CDYL2: variants seen among roughly 807,000 people sequenced by gnomAD.
CDYL2 encodes the protein chromodomain Y like 2.
Under a neutral mutation model 49.4 loss-of-function variants are expected in CDYL2, and 23 were observed. The observed-to-expected ratio is 0.47, with a 90% CI of 0.34 to 0.66. The LOEUF (loss-of-function observed/expected upper bound fraction) is 0.66. CDYL2 is among the 30% of genes least tolerant of loss of function. CDYL2 has a pLI of 0.01. For missense variants in CDYL2, 678 were observed against 656.4 expected (o/e 1.03, Z -0.36); for synonymous variants, 360 against 268.8 (o/e 1.34, Z -3.32).
chr16:80,751,095 T>C (rs375067182), intron 1 of CDYL2, among the ~76,000 whole-genome samples: 4 of 152,024 alleles, frequency 2.6e-5, no homozygotes, highest in African/African-American at 4.8e-5. Flanking sequence ...TAGAAAAATA[T>C]AGGAATCTAT....
chr16:80,656,473 C>A (rs576188413), intron 2 of CDYL2, among the ~76,000 whole-genome samples: 1 of 152,262 alleles, frequency 6.6e-6, no homozygotes, highest in East Asian at 1.9e-4. Flanking sequence ...TCTGTGCCCC[C>A]ACTGTCCTGC....
rs1169480393 is a variant in CDYL2 at position 80,633,269 on chromosome 16, G to C, written c.617-33C>G. ...AACCAGATAAACAATGTAAGAAACT[G>C]AAATGGACCACGATCCTAGAAGGAT... On this transcript the variant is annotated intron_variant, in intron 2 of 6. Coordinates refer to ENST00000570137, the MANE Select transcript of CDYL2 (RefSeq NM_152342.4). 4 of 1,591,332 alleles carry C rather than the reference G, an allele frequency of 2.5e-6. No individual in the cohort carries two copies. In the African/African-American group the frequency reaches 5.4e-5, roughly 21 times the overall value.
At chr16:80,635,409 C>G (rs553950113) in intron 2 of CDYL2, among the ~76,000 whole-genome samples, 23 of 152,290 alleles carry the variant, frequency 1.5e-4, no homozygotes, top group Non-Finnish European at 2.9e-4. Context: ...CACAAGCATT[C>G]CTACACAACA....
chr16:80,695,993 C>T (rs577491177), intron 1 of CDYL2, among the ~76,000 whole-genome samples: 4 of 152,324 alleles, frequency 2.6e-5, no homozygotes, highest in Non-Finnish European at 5.9e-5. Flanking sequence ...ATAGACCATA[C>T]ATCATGCCAC....
intron 1 of CDYL2, among the ~76,000 whole-genome samples, chr16:80,740,688 G>T (rs1158494941): frequency 6.6e-6 from 1 of 151,940 alleles, no homozygotes; most frequent in East Asian, 1.9e-4. Context: ...CCCAAATACA[G>T]ATCTAATCAA....
chr16:80,660,921 A>G (rs991216275), intron 2 of CDYL2, among the ~76,000 whole-genome samples: 6 of 152,224 alleles, frequency 3.9e-5, no homozygotes, highest in African/African-American at 1.4e-4. Flanking sequence ...GAAACTTGTC[A>G]TTAAAGATAC....
chr16:80,645,373 CAT>C (rs1474998796), intron 2 of CDYL2, among the ~76,000 whole-genome samples: 1 of 152,134 alleles, frequency 6.6e-6, no homozygotes, highest in Non-Finnish European at 1.5e-5. Context: ...AGCCAAAAGA[CAT>C]ATGAAAAAAT....
In CDYL2 at chr16:80,724,271, G is replaced by A. The variant is rs936345569; in HGVS notation, c.25-39142C>T. 4.0e-5 allele frequency among the ~76,000 whole-genome samples: 6 copies of A among 150,216 alleles called. No individual in the cohort carries two copies. The East Asian group carries it at 7.8e-4, about 20-fold the overall frequency. On this transcript the variant is annotated intron_variant, in intron 1 of 6. Coordinates refer to ENST00000570137, the MANE Select transcript of CDYL2 (RefSeq NM_152342.4). ...AAGATGAGGAGAAAGAGGAAGAGGAGGAGGAGAAAGGAAGAGGAAAGAAAG... is the reference window on the plus strand; with the variant it reads ...AAGATGAGGAGAAAGAGGAAGAGGAAGAGGAGAAAGGAAGAGGAAAGAAAG...
chr16:80,696,671 T>A (rs977852626), intron 1 of CDYL2, among the ~76,000 whole-genome samples: 1 of 148,274 alleles, frequency 6.7e-6, no homozygotes, highest in Admixed American at 6.7e-5. Flanking sequence ...AAAATAGAAA[T>A]AGGAAACCTG....
chr16:80,624,867 T>G (rs1907233912), intron 3 of CDYL2, among the ~76,000 whole-genome samples: 1 of 152,140 alleles, frequency 6.6e-6, no homozygotes. Context: ...ATAAAGTAAC[T>G]GAAAGACCTG....
At chr16:80,659,633 T>C (rs917217152) in intron 2 of CDYL2, among the ~76,000 whole-genome samples, 4 of 149,320 alleles carry the variant, frequency 2.7e-5, no homozygotes, top group Middle Eastern at 3.4e-3. Flanking sequence ...TATATACATA[T>C]ACATATACAG....
intron 4 of CDYL2, 43 bp downstream of exon 4, chr16:80,620,720 C>A (rs1465565610): frequency 5.4e-6 from 8 of 1,492,958 alleles, no homozygotes; most frequent in Middle Eastern, 1.8e-4. Flanking sequence ...ACTTGGTAAT[C>A]CTACGCAGGA....
At chr16:80,797,848 A>G (rs968127506) in intron 1 of CDYL2, among the ~76,000 whole-genome samples, 1 of 152,132 alleles carries the variant, frequency 6.6e-6, no homozygotes, top group Admixed American at 6.5e-5. Context: ...CAGCACATTA[A>G]CTGGCTGCCC....
At chr16:80,700,598 TAA>T (rs1474394202) in intron 1 of CDYL2, among the ~76,000 whole-genome samples, 1 of 152,162 alleles carries the variant, frequency 6.6e-6, no homozygotes, top group Non-Finnish European at 1.5e-5. Context: ...AAATGAAAAT[TAA>T]AACAGTGAGA....
At chr16:80,729,266 C>A (rs1052677814) in intron 1 of CDYL2, among the ~76,000 whole-genome samples, 1 of 151,660 alleles carries the variant, frequency 6.6e-6, no homozygotes, top group East Asian at 1.9e-4. Flanking sequence ...ATCTACCAAG[C>A]AAATGGAAAA....
intron 1 of CDYL2, among the ~76,000 whole-genome samples, chr16:80,797,576 T>C (rs952120033): frequency 1.3e-5 from 2 of 152,142 alleles, no homozygotes; most frequent in Admixed American, 6.5e-5. Flanking sequence ...TTTTCCAGCA[T>C]ACCTGGTACT....
At chr16:80,727,007 G>T (rs1210220080) in intron 1 of CDYL2, among the ~76,000 whole-genome samples, 1 of 152,210 alleles carries the variant, frequency 6.6e-6, no homozygotes, top group Non-Finnish European at 1.5e-5. Context: ...GATTGCTGGA[G>T]CCCAGGTGGT....
chr16:80,639,575 T>C (rs1311373134), intron 2 of CDYL2: 2 of 421,494 alleles, frequency 4.7e-6, no homozygotes, highest in Non-Finnish European at 9.3e-6. Context: ...GCTCCATGGA[T>C]TGTACCCTCC....
intron 1 of CDYL2, among the ~76,000 whole-genome samples, chr16:80,688,148 G>C (rs932181592): frequency 6.6e-6 from 1 of 152,192 alleles, no homozygotes; most frequent in African/African-American, 2.4e-5. Flanking sequence ...CCAAATTACT[G>C]GAGGTTGCAA....
Sources: allele counts gnomAD v4.1 joint callset (sites outside exome capture counted in the v4.1 genomes callset), GRCh38; gene constraint gnomAD v4.1.1; transcripts MANE v1.5; gene names NCBI Gene and HGNC (gene_info 2026-07-23, HGNC 2026-07-21).